The following NDNF variants were observed in gnomAD, a reference collection of about 807,000 sequenced individuals.
NDNF encodes the protein protein NDNF.
A neutral mutation model predicts 42.0 loss-of-function variants in NDNF; 16 were observed. That is an observed-to-expected ratio of 0.38 (90% CI 0.26 to 0.58). The LOEUF (loss-of-function observed/expected upper bound fraction) is 0.58, where lower values mean the gene tolerates loss of function less well. Among genes scored for constraint, NDNF ranks in the 20% least tolerant of loss-of-function variants. The pLI, the probability that NDNF is intolerant of heterozygous loss-of-function variation, is 0.67. For synonymous variants in NDNF, 248 were observed against 251.7 expected, an observed-to-expected ratio of 0.99 and a Z score of 0.14; for missense variants, 616 against 666.2, an observed-to-expected ratio of 0.92 and a Z score of 0.83.
rs368610593 is a variant in NDNF at position 121,067,221 on chromosome 4, G to A, written c.-2+4772C>T. ...TTTTTCTTTTAACTATAAAAAAGAC[G>A]GCAAATTATTTTAAAAGAAGAATTA... On this transcript the variant is annotated intron_variant, in intron 1 of 3. Transcript: ENST00000379692. 5.1e-4 allele frequency among the ~76,000 whole-genome samples: 78 copies of A among 151,906 alleles called. No individual in the cohort carries two copies. In the South Asian group the frequency reaches 0.014, roughly 28 times the overall value.
intron 1 of NDNF, among the ~76,000 whole-genome samples, chr4:121,051,488 T>C (rs1241409345): frequency 1.3e-5 from 2 of 152,160 alleles, no homozygotes; most frequent in Admixed American, 1.3e-4. Context: ...AAATGGTCAA[T>C]GGTAAGCAAA....
chr4:121,039,889 T>C (rs757570908), intron 3 of NDNF, 41 bp downstream of exon 3: 6 of 1,589,736 alleles, frequency 3.8e-6, no homozygotes, highest in East Asian at 2.3e-5. Context: ...ATTAAAACCA[T>C]CCATTCAAAG....
In NDNF at chr4:121,039,916, A is replaced by G. The variant is rs185993585; in HGVS notation, c.313+14T>C. On this transcript the variant is annotated intron_variant, in intron 3 of 3. Coordinates refer to ENST00000379692, the MANE Select transcript of NDNF (RefSeq NM_024574.4). ...CATTCAAAGGTCCAGGGGCAGATCT[A>G]TCCTGCTGCTTACCTGAGCCTTCCC... The G allele has an allele frequency of 1.8e-3, 2,922 of 1,611,670 alleles. 2 individuals are homozygous for G. The highest frequency in any genetic ancestry group is 2.3e-3 in the Non-Finnish European group (2,741 of 1,178,964).
At chr4:121,065,222 TTAAG>T (rs1289199950) in intron 1 of NDNF, among the ~76,000 whole-genome samples, 4 of 152,236 alleles carry the variant, frequency 2.6e-5, no homozygotes, top group East Asian at 1.9e-4. Context: ...TGATATAGTA[TTAAG>T]TAATATTCAC....
At chr4:121,071,113 A>G (rs1314644985) in intron 1 of NDNF, among the ~76,000 whole-genome samples, 3 of 151,874 alleles carry the variant, frequency 2.0e-5, no homozygotes, top group Non-Finnish European at 4.4e-5. Context: ...ACTCGTTCGG[A>G]CTCCTAGGTT....
intron 1 of NDNF, among the ~76,000 whole-genome samples, chr4:121,057,654 G>A (rs1021239205): frequency 2.0e-5 from 3 of 152,204 alleles, no homozygotes; most frequent in African/African-American, 7.2e-5. Flanking sequence ...AGGGAAAGGA[G>A]CTTGGAGCTC....
chr4:121,063,259 C>A, intron 1 of NDNF, among the ~76,000 whole-genome samples: 1 of 152,106 alleles, frequency 6.6e-6, no homozygotes, highest in East Asian at 1.9e-4. Context: ...TTGCAGCTAC[C>A]ATAATAATTG....
At position 121,039,963 on chromosome 4, in the gene NDNF, C is replaced by T; in HGVS notation, c.280G>A (p.Glu94Lys). ...APLEWKLSLQ[E>K]LPEDRSGEGS... ...TCCCCGCTCCTGTCCTCTGGCAGCT[C>T]CTGGAGGCTCAGCTTCCACTCCAAA... Residue 94 changes from glutamate to lysine, a missense_variant, in exon 3 of 4, where the codon GAG becomes AAG. Coordinates refer to ENST00000379692, the MANE Select transcript of NDNF (RefSeq NM_024574.4). 3 of 1,614,052 alleles carry T rather than the reference C, an allele frequency of 1.9e-6. No individual in the cohort carries two copies. The highest frequency in any genetic ancestry group is 2.5e-6 in the Non-Finnish European group (3 of 1,179,966).
rs1177901167 is a variant in NDNF at position 121,036,502 on chromosome 4, T to C, written c.1469A>G (p.Asn490Ser). Reference protein sequence around the residue: ...IYKKEVDDNYNEDQKKREQNQ... With the variant: ...IYKKEVDDNYSEDQKKREQNQ... ...TTGCTCTCTTTTCTTCTGGTCTTCA[T>C]TGTAGTTATCATCCACTTCTTTTTT... The change falls in exon 4 of 4, where the codon AAT becomes AGT. Residue 490 changes from asparagine to serine, a missense_variant. By Grantham distance (46) the Asn-to-Ser change is conservative (BLOSUM62 1). Coordinates refer to ENST00000379692, the MANE Select transcript of NDNF (RefSeq NM_024574.4). 2 of 1,614,074 alleles carry C rather than the reference T, an allele frequency of 1.2e-6. No homozygotes were observed. The highest frequency in any genetic ancestry group is 1.7e-5 in the Admixed American group (1 of 59,986).
intron 1 of NDNF, chr4:121,061,441 G>A: frequency 6.5e-6 from 1 of 153,060 alleles, no homozygotes; most frequent in East Asian, 1.9e-4. Context: ...GGCGATCAAA[G>A]GGTTGACAAA....
At chr4:121,040,134 G>C in intron 2 of NDNF, 80 bp from the exon 3 acceptor site, 2 of 1,331,536 alleles carry the variant, frequency 1.5e-6, no homozygotes, top group South Asian at 2.9e-5. Flanking sequence ...AAATCATTTG[G>C]TTTTAATTTT....
rs1222082990 is a variant in NDNF at position 121,035,674 on chromosome 4, G to A, written c.*590C>T. 1.3e-5 allele frequency: 2 copies of A among 152,316 alleles called. No homozygotes were observed. The highest frequency in any genetic ancestry group is 1.3e-4 in the Admixed American group (2 of 15,252). 9.4% of individuals were successfully genotyped at this position (152,316 alleles called of 1,614,324 possible). On this transcript the variant is annotated 3_prime_UTR_variant, in exon 4 of 4. Coordinates refer to ENST00000379692, the MANE Select transcript of NDNF (RefSeq NM_024574.4). ...TTAATTTTATGTACATGAATATAATGTATGTCAACTTTGTACATGAGATAC... is the reference window on the plus strand; with the variant it reads ...TTAATTTTATGTACATGAATATAATATATGTCAACTTTGTACATGAGATAC...
rs530435174 is a variant in NDNF at position 121,048,362 on chromosome 4, T to A, written c.-1-2524A>T. 9.8e-5 allele frequency among the ~76,000 whole-genome samples: 15 copies of A among 152,336 alleles called. No individual in the cohort carries two copies. In the South Asian group the frequency reaches 2.9e-3, roughly 29 times the overall value. On this transcript the variant is annotated intron_variant, in intron 1 of 3. Coordinates refer to ENST00000379692, the MANE Select transcript of NDNF (RefSeq NM_024574.4). ...GGCTTACCTCCTTAGGCCCCATGTT[T>A]GCCCACAAAGCTGCCAACCACGGTG...
chr4:121,054,762 C>T (rs1727255289), intron 1 of NDNF, among the ~76,000 whole-genome samples: 1 of 152,152 alleles, frequency 6.6e-6, no homozygotes, highest in Admixed American at 6.5e-5. Flanking sequence ...AGACCAAGTG[C>T]CAATCACATA....
chr4:121,068,961 A>C (rs1019107032), intron 1 of NDNF, among the ~76,000 whole-genome samples: 2 of 152,154 alleles, frequency 1.3e-5, no homozygotes, highest in Non-Finnish European at 2.9e-5. Flanking sequence ...AAAAATTCTG[A>C]CCTCTAGATA....
intron 1 of NDNF, among the ~76,000 whole-genome samples, chr4:121,055,289 T>C (rs17051286): frequency 0.075 from 11,422 of 152,202 alleles, 548 homozygotes; most frequent in Middle Eastern, 0.22. Context: ...CAGTTGTCCA[T>C]GGTAGAGATG....
rs1579305836 is a variant in NDNF, at chr4:121,036,080, G to A, written c.*184C>T. 1.0e-5 allele frequency: 6 copies of A among 581,702 alleles called. No individual in the cohort carries two copies. The highest frequency in any genetic ancestry group is 8.6e-5 in the East Asian group (3 of 34,766). 36.0% of individuals were successfully genotyped at this position (581,702 alleles called of 1,614,324 possible). On this transcript the variant is annotated 3_prime_UTR_variant, in exon 4 of 4. Transcript: ENST00000379692. ...ACACACACTAGGTACCATGGGGCAC[G>A]CTAGAACAAGTCTCCTTCAAGAGTT...
In NDNF at chr4:121,045,725, G is replaced by A. The variant is rs763298175; in HGVS notation, c.113C>T (p.Ala38Val). The A allele has an allele frequency of 2.5e-6, 4 of 1,614,142 alleles. No homozygotes were observed. The highest frequency in any genetic ancestry group is 2.5e-6 in the Non-Finnish European group (3 of 1,180,002). ...ELFQMQIRDK[A>V]FFHDSSVIPD... Reference sequence around the variant, plus strand: ...AATTACTGACGAATCATGAAAAAATGCCTTGTCCCGGATCTGCATCTGAAA... The same window carrying A: ...AATTACTGACGAATCATGAAAAAATACCTTGTCCCGGATCTGCATCTGAAA... The change falls in exon 2 of 4, where the codon GCA (alanine) becomes GTA (valine). Residue 38 changes from alanine (A) to valine (V), a missense_variant. Ala to Val is a moderately conservative substitution (Grantham distance 64). Coordinates refer to ENST00000379692, the MANE Select transcript of NDNF (RefSeq NM_024574.4).
intron 1 of NDNF, among the ~76,000 whole-genome samples, chr4:121,048,256 A>G (rs1303899653): frequency 4.6e-5 from 7 of 152,216 alleles, no homozygotes; most frequent in Non-Finnish European, 8.8e-5. Context: ...CGCTTTCTGT[A>G]CTTGTTAGAA....
Sources: allele counts gnomAD v4.1 joint callset (sites outside exome capture counted in the v4.1 genomes callset), GRCh38; gene constraint gnomAD v4.1.1; transcripts MANE v1.5; gene names NCBI Gene and HGNC (gene_info 2026-07-23, HGNC 2026-07-21).